Variants in MPZL1 observed in about 807,000 individuals in gnomAD.
MPZL1 encodes myelin protein zero like 1.
MPZL1 carries 16 observed loss-of-function variants against 29.3 expected under a neutral mutation model. The observed-to-expected ratio is 0.55, with a 90% CI of 0.37 to 0.83. The LOEUF (loss-of-function observed/expected upper bound fraction) is 0.83, where lower values mean the gene tolerates loss of function less well. MPZL1 is among the 40% of genes least tolerant of loss of function. MPZL1 has a pLI of 0.00. For synonymous variants in MPZL1, 143 were observed against 132.0 expected, an observed-to-expected ratio of 1.08 and a Z score of -0.57; for missense variants, 279 against 332.9, an observed-to-expected ratio of 0.84 and a Z score of 1.26.
At chr1:167,734,567 G>A (rs1660339298) in intron 1 of MPZL1, among the ~76,000 whole-genome samples, 1 of 152,150 alleles carries the variant, frequency 6.6e-6, no homozygotes, top group Admixed American at 6.5e-5. Context: ...CCAGATTTCT[G>A]TTTATATAAA....
rs114253585 is a variant in MPZL1, at chr1:167,766,236, T to C, written c.258+487T>C. Among the ~76,000 whole-genome samples the C allele has an allele frequency of 2.3e-3, 357 of 152,314 alleles. 2 individuals are homozygous for C. The highest frequency in any genetic ancestry group is 3.9e-3 in the Non-Finnish European group (266 of 68,028). On this transcript the variant is annotated intron_variant, in intron 2 of 5. Transcript: ENST00000359523. ...AATGTCTAAAACAGAATCCTTGCTC[T>C]CACCTAGAGATGATTAGGAGGAAGG... is the stretch of plus-strand genomic sequence containing the variant.
chr1:167,768,465 A>G (rs1429941148), intron 2 of MPZL1, among the ~76,000 whole-genome samples: 2 of 151,954 alleles, frequency 1.3e-5, no homozygotes, highest in East Asian at 1.9e-4. Flanking sequence ...AGATCCCTTA[A>G]TATGACAGTT....
At chr1:167,728,282 T>C (rs1236088609) in intron 1 of MPZL1, among the ~76,000 whole-genome samples, 3 of 151,684 alleles carry the variant, frequency 2.0e-5, no homozygotes, top group Non-Finnish European at 2.9e-5. Context: ...CCTCAGGTGA[T>C]CCACCCAAAG....
At chr1:167,779,811 TAAAAG>T (rs1165985789) in intron 5 of MPZL1, among the ~76,000 whole-genome samples, 2 of 151,794 alleles carry the variant, frequency 1.3e-5, no homozygotes, top group Non-Finnish European at 2.9e-5. Flanking sequence ...CTGAAAAAAA[TAAAAG>T]AGATAGATAC....
intron 4 of MPZL1, chr1:167,774,407 A>G (rs1661321004): frequency 6.5e-6 from 1 of 152,682 alleles, no homozygotes; most frequent in East Asian, 1.9e-4. Context: ...ACCTCTATCT[A>G]TGGGCTCTGC....
At chr1:167,740,603 G>A (rs1263422425) in intron 1 of MPZL1, among the ~76,000 whole-genome samples, 1 of 151,884 alleles carries the variant, frequency 6.6e-6, no homozygotes. Context: ...CTTCGGCTTG[G>A]CTCTCATCTT....
chr1:167,787,844 G>T lies in MPZL1; in HGVS notation c.733G>T (p.Asp245Tyr). Residue 245 changes from aspartate to tyrosine, a missense_variant, in exon 6 of 6, where the codon GAC becomes TAC. Transcript: ENST00000359523. ...HQGPVIYAQLDHSGGHHSDKI... is the reference protein window; with the variant it reads ...HQGPVIYAQLYHSGGHHSDKI... ...GGGCCCAGTCATATATGCACAGTTAGACCACTCCGGCGGACATCACAGTGA... is the reference window on the plus strand; with the variant it reads ...GGGCCCAGTCATATATGCACAGTTATACCACTCCGGCGGACATCACAGTGA... 2 of 1,613,840 alleles carry T rather than the reference G, an allele frequency of 1.2e-6. No individual in the cohort carries two copies. The highest frequency in any genetic ancestry group is 1.7e-6 in the Non-Finnish European group (2 of 1,179,718).
chr1:167,791,495 C>G lies in MPZL1; in HGVS notation c.*3574C>G, dbSNP rs1233379788. The G allele has an allele frequency of 6.6e-6, 1 of 152,212 alleles. No homozygotes were observed. The highest frequency in any genetic ancestry group is 1.5e-5 in the Non-Finnish European group (1 of 68,040). 9.4% of individuals were successfully genotyped at this position (152,212 alleles called of 1,614,324 possible). On this transcript the variant is annotated 3_prime_UTR_variant, in exon 6 of 6. Transcript: ENST00000359523. ...TGAGCCAGGCACTTTGCATTTCTTTCTCTATTATTTCTGTGAGTTAACAGT... is the reference window on the plus strand; with the variant it reads ...TGAGCCAGGCACTTTGCATTTCTTTGTCTATTATTTCTGTGAGTTAACAGT...
chr1:167,747,428 T>C lies in MPZL1; in HGVS notation c.92-18155T>C, dbSNP rs987172868. Among the ~76,000 whole-genome samples, 29 of 152,306 alleles carry C rather than the reference T, an allele frequency of 1.9e-4. 1 individual carries two copies. Among genetic ancestry groups the C allele is most frequent in the Admixed American group, 1.3e-3 (20 of 15,304 alleles). ...TTGTAGAAACAGGGGTCTCACTATG[T>C]TGCCCAGGCTGGTCTAGAACTCCTA... On this transcript the variant is annotated intron_variant, in intron 1 of 5. Coordinates refer to ENST00000359523, the MANE Select transcript of MPZL1 (RefSeq NM_003953.6).
At chr1:167,752,361 A>C (rs910894914) in intron 1 of MPZL1, among the ~76,000 whole-genome samples, 1 of 152,168 alleles carries the variant, frequency 6.6e-6, no homozygotes, top group African/African-American at 2.4e-5. Context: ...AATAACAATA[A>C]GATACAGACC....
chr1:167,751,227 C>A lies in MPZL1; in HGVS notation c.92-14356C>A, dbSNP rs150093628. On this transcript the variant is annotated intron_variant, in intron 1 of 5. Transcript: ENST00000359523. ...TGTTTCTCCTTAAACTTTCACTCAC[C>A]ATATTATCTTTTTATGAAGACAGAA... is the stretch of plus-strand genomic sequence containing the variant. Among the ~76,000 whole-genome samples, 59 of 152,220 alleles carry A rather than the reference C, an allele frequency of 3.9e-4. 1 individual carries two copies. In the East Asian group the frequency reaches 0.011, roughly 28 times the overall value.
intron 5 of MPZL1, among the ~76,000 whole-genome samples, chr1:167,786,854 A>G (rs774446578): frequency 2.0e-5 from 3 of 152,258 alleles, no homozygotes; most frequent in Non-Finnish European, 4.4e-5. Context: ...AGAAAAGTTG[A>G]CATTGGGTAA....
chr1:167,766,424 A>G (rs1661115610), intron 2 of MPZL1, among the ~76,000 whole-genome samples: 1 of 152,248 alleles, frequency 6.6e-6, no homozygotes, highest in Non-Finnish European at 1.5e-5. Flanking sequence ...AACCTCCCAC[A>G]CAAGGGTGTT....
chr1:167,772,569 T>C, intron 3 of MPZL1, 81 bp downstream of exon 3: 2 of 1,339,826 alleles, frequency 1.5e-6, no homozygotes, highest in Non-Finnish European at 2.1e-6. Flanking sequence ...TTGCATTTCA[T>C]GGTGGGTTTG....
At chr1:167,783,647 A>G (rs997390919) in intron 5 of MPZL1, among the ~76,000 whole-genome samples, 4 of 152,212 alleles carry the variant, frequency 2.6e-5, no homozygotes, top group Non-Finnish European at 5.9e-5. Context: ...ACATGAAGAA[A>G]CTGAGGCTTA....
intron 2 of MPZL1, among the ~76,000 whole-genome samples, chr1:167,768,304 G>C (rs1358565138): frequency 2.0e-5 from 3 of 151,936 alleles, no homozygotes; most frequent in Non-Finnish European, 4.4e-5. Flanking sequence ...TAGTAAAAAT[G>C]CTTTGTGCTT....
At chr1:167,739,274 CATATATACATAT>C (rs1660453607) in intron 1 of MPZL1, among the ~76,000 whole-genome samples, 1 of 83,306 alleles carries the variant, frequency 1.2e-5, no homozygotes, top group African/African-American at 6.5e-5. Flanking sequence ...TACATATATA[CATATATACATAT>C]ATATATATAT....
intron 1 of MPZL1, among the ~76,000 whole-genome samples, chr1:167,755,355 A>T (rs1463207570): frequency 2.6e-5 from 4 of 152,172 alleles, no homozygotes; most frequent in Non-Finnish European, 5.9e-5. Context: ...TATAAACCTG[A>T]TAAGATTTGA....
intron 1 of MPZL1, among the ~76,000 whole-genome samples, chr1:167,731,402 A>G (rs1021648997): frequency 2.0e-5 from 3 of 150,016 alleles, no homozygotes; most frequent in Admixed American, 6.6e-5. Context: ...GTGCTACTGC[A>G]CTTTTGCCTG....
Sources: gnomAD v4.1 joint callset for allele counts (sites outside exome capture counted in the v4.1 genomes callset) on GRCh38, gnomAD v4.1.1 for gene constraint, MANE v1.5 for transcripts, NCBI Gene and HGNC (gene_info 2026-07-23, HGNC 2026-07-21) for gene names.